Variants in COL28A1 observed in about 807,000 individuals in gnomAD.
COL28A1 encodes the protein collagen alpha-1(XXVIII) chain.
COL28A1 carries 161 observed loss-of-function variants against 150.2 expected under a neutral mutation model. That is an observed-to-expected ratio of 1.07 (90% confidence interval 0.94 to 1.22). COL28A1 has a LOEUF of 1.22. Ranked by LOEUF, COL28A1 falls within the 50% of genes most tolerant of loss-of-function variation. The pLI is 0.00. For synonymous variants in COL28A1, 552 were observed against 469.7 expected (o/e 1.18, Z -2.26); for missense variants, 1,617 against 1,388.3 (o/e 1.16, Z -2.62).
chr7:7,432,655 C>A lies in COL28A1; in HGVS notation c.1906G>T (p.Gly636Cys). 1 of 1,614,058 alleles carries A rather than the reference C, an allele frequency of 6.2e-7. No individual in the cohort carries two copies. The highest frequency in any genetic ancestry group is 8.5e-7 in the Non-Finnish European group (1 of 1,180,006). Residue 636 changes from glycine (G) to cysteine (C), a missense_variant, in exon 24 of 35, where the codon GGT (glycine) becomes TGT (cysteine). Transcript: ENST00000399429. ...RGPVGAPGLK[G>C]DGYPGVPGPR... ...ACAGGCACACCAGGATAGCCATCACCTTTGAGTCCTGGAGCACCCACTGGT... is the reference window on the plus strand; with the variant it reads ...ACAGGCACACCAGGATAGCCATCACATTTGAGTCCTGGAGCACCCACTGGT...
intron 30 of COL28A1, among the ~76,000 whole-genome samples, chr7:7,376,364 G>A (rs572516243): frequency 6.6e-6 from 1 of 152,338 alleles, no homozygotes; most frequent in East Asian, 1.9e-4. Context: ...TCGAGGTGGA[G>A]GTGATGTAGC....
At chr7:7,541,519 A>G in the COL28A1 span, among the ~76,000 whole-genome samples, 3 of 152,226 alleles carry the variant, frequency 2.0e-5, no homozygotes, top group African/African-American at 7.2e-5. Context: ...AGAAATGCCA[A>G]ATACTAACAC....
intron 26 of COL28A1, among the ~76,000 whole-genome samples, 175 bp downstream of exon 26, chr7:7,419,710 C>T (rs1784289906): frequency 6.6e-6 from 1 of 152,154 alleles, no homozygotes; most frequent in Non-Finnish European, 1.5e-5. Flanking sequence ...GCTTTATAAA[C>T]TCGAATGTTC....
chr7:7,498,910 G>GCACACACACA (rs551868141), intron 11 of COL28A1, among the ~76,000 whole-genome samples: 3 of 148,974 alleles, frequency 2.0e-5, no homozygotes, highest in East Asian at 2.0e-4. Flanking sequence ...ACACACACAC[G>GCACACACACA]CACACACACA....
chr7:7,418,434 A>G (rs1156950677), intron 26 of COL28A1, among the ~76,000 whole-genome samples: 1 of 152,220 alleles, frequency 6.6e-6, no homozygotes, highest in Non-Finnish European at 1.5e-5. Context: ...ATTTCCCAGT[A>G]TCTGTTCATA....
chr7:7,416,184 T>C (rs1439292260), intron 27 of COL28A1, among the ~76,000 whole-genome samples: 5 of 152,222 alleles, frequency 3.3e-5, no homozygotes, highest in Non-Finnish European at 7.3e-5. Flanking sequence ...AGGAAAAGCT[T>C]ATCTCATTTC....
intron 33 of COL28A1, among the ~76,000 whole-genome samples, chr7:7,370,465 T>G (rs1379501313): frequency 6.6e-6 from 1 of 152,218 alleles, no homozygotes; most frequent in Admixed American, 6.5e-5. Flanking sequence ...TTGATGGTAA[T>G]AGGAGTATAA....
At chr7:7,424,841 A>G (rs910477464) in intron 25 of COL28A1, among the ~76,000 whole-genome samples, 1 of 152,158 alleles carries the variant, frequency 6.6e-6, no homozygotes, top group African/African-American at 2.4e-5. Context: ...GACTGTCTGC[A>G]GTATTTGTGC....
At chr7:7,375,729 T>C (rs1213095255) in intron 30 of COL28A1, among the ~76,000 whole-genome samples, 1 of 152,200 alleles carries the variant, frequency 6.6e-6, no homozygotes, top group Non-Finnish European at 1.5e-5. Context: ...AAATTGCAAC[T>C]GCAGCATTTA....
intron 13 of COL28A1, among the ~76,000 whole-genome samples, chr7:7,486,829 G>A (rs757795692): frequency 4.6e-5 from 7 of 152,054 alleles, no homozygotes; most frequent in Non-Finnish European, 8.8e-5. Flanking sequence ...ATATATTGCT[G>A]AATTCTATTA....
intron 22 of COL28A1, 115 bp downstream of exon 22, chr7:7,437,279 G>T: frequency 3.5e-6 from 5 of 1,420,804 alleles, no homozygotes; most frequent in Non-Finnish European, 4.6e-6. Flanking sequence ...GAGTTAAACG[G>T]AATCATTTCT....
chr7:7,374,349 A>T (rs1467524615), intron 31 of COL28A1, among the ~76,000 whole-genome samples: 1 of 152,172 alleles, frequency 6.6e-6, no homozygotes, highest in Non-Finnish European at 1.5e-5. Context: ...AATGGGATGA[A>T]AAATTGTCAT....
intron 22 of COL28A1, among the ~76,000 whole-genome samples, chr7:7,436,726 A>AATGGCTG (rs1785372630): frequency 6.6e-6 from 1 of 152,246 alleles, no homozygotes; most frequent in Non-Finnish European, 1.5e-5. Context: ...CGACTTTAAG[A>AATGGCTG]ATGGCTGAGA....
chr7:7,372,292 G>A (rs1781272310), intron 32 of COL28A1, among the ~76,000 whole-genome samples: 1 of 151,636 alleles, frequency 6.6e-6, no homozygotes. Flanking sequence ...CCAGCTACTT[G>A]GGAGGCTGAG....
intron 34 of COL28A1, among the ~76,000 whole-genome samples, chr7:7,359,337 T>C (rs1028179604): frequency 1.3e-5 from 2 of 151,770 alleles, no homozygotes; most frequent in Non-Finnish European, 2.9e-5. Flanking sequence ...ATTACAATTA[T>C]AGTTTTAAAA....
At chr7:7,536,057 T>C (rs534242679), upstream of COL28A1, among the ~76,000 whole-genome samples, 16 of 152,282 alleles carry the variant, frequency 1.1e-4, no homozygotes, top group South Asian at 2.1e-4. Context: ...GAGAACTTTC[T>C]ACATTTTAGG....
chr7:7,380,075 G>C (rs1044157355), intron 30 of COL28A1, among the ~76,000 whole-genome samples: 1 of 152,056 alleles, frequency 6.6e-6, no homozygotes, highest in Non-Finnish European at 1.5e-5. Context: ...CCAGAAGACA[G>C]ATTGCCTTCA....
chr7:7,518,523 T>C (rs970097873), intron 6 of COL28A1, among the ~76,000 whole-genome samples: 7 of 152,190 alleles, frequency 4.6e-5, no homozygotes. Flanking sequence ...AATAGGGCTG[T>C]TTTAGAGTTC....
the COL28A1 span, among the ~76,000 whole-genome samples, chr7:7,348,427 A>G: frequency 6.6e-6 from 1 of 152,034 alleles, no homozygotes; most frequent in Non-Finnish European, 1.5e-5. Context: ...TGCCAAGCTC[A>G]TAAGAGATCT....
Sources: gnomAD v4.1 joint callset for allele counts (sites outside exome capture counted in the v4.1 genomes callset) on GRCh38, gnomAD v4.1.1 for gene constraint, MANE v1.5 for transcripts, NCBI Gene and HGNC (gene_info 2026-07-23, HGNC 2026-07-21) for gene names.